ITGA9: variants seen among roughly 807,000 people sequenced by gnomAD.
ITGA9 encodes integrin alpha-9.
A neutral mutation model predicts 127.8 loss-of-function variants in ITGA9; 56 were observed. The observed-to-expected ratio is 0.44, with a 90% CI of 0.35 to 0.55. The LOEUF (loss-of-function observed/expected upper bound fraction) is 0.55. ITGA9 is among the 20% of genes least tolerant of loss of function. The probability of loss-of-function intolerance (pLI) is 0.00; values close to 1 mark genes in which losing one functional copy is unlikely to be tolerated. For synonymous variants in ITGA9, 508 were observed against 514.5 expected (o/e 0.99, Z 0.17); for missense variants, 1,196 against 1,347.1 (o/e 0.89, Z 1.76).
chr3:37,619,988 G>T (rs1199814930), intron 15 of ITGA9, among the ~76,000 whole-genome samples: 3 of 152,082 alleles, frequency 2.0e-5, no homozygotes, highest in South Asian at 2.1e-4. Context: ...CTGTGAAAGG[G>T]GTCACTTGAG....
chr3:37,708,641 G>A (rs1430474804), intron 18 of ITGA9, among the ~76,000 whole-genome samples: 1 of 248 alleles, frequency 4.0e-3, no homozygotes, highest in Admixed American at 0.045. Flanking sequence ...CAGGGATGCT[G>A]CTAAATACCC....
intron 17 of ITGA9, among the ~76,000 whole-genome samples, chr3:37,672,158 C>G (rs181858231): frequency 1.3e-5 from 2 of 152,222 alleles, no homozygotes; most frequent in African/African-American, 4.8e-5. Flanking sequence ...TAGGGCAGGA[C>G]TGCTGGAGAA....
intron 23 of ITGA9, chr3:37,753,723 C>T (rs1359036809): frequency 6.6e-6 from 1 of 152,176 alleles, no homozygotes; most frequent in African/African-American, 2.4e-5. Context: ...TTCTTGGGTA[C>T]ATCGTGTGTG....
intron 15 of ITGA9, among the ~76,000 whole-genome samples, chr3:37,602,622 C>G (rs1699932406): frequency 6.6e-6 from 1 of 151,728 alleles, no homozygotes; most frequent in African/African-American, 2.4e-5. Context: ...TTTTGCATTT[C>G]TTGATCATTT....
intron 4 of ITGA9, among the ~76,000 whole-genome samples, chr3:37,491,676 C>T (rs1698675371): frequency 6.6e-6 from 1 of 152,234 alleles, no homozygotes; most frequent in Non-Finnish European, 1.5e-5. Context: ...GCGCCTACCT[C>T]ACTTCCCATA....
chr3:37,775,025 G>T (rs1287303423), intron 23 of ITGA9, among the ~76,000 whole-genome samples: 1 of 152,136 alleles, frequency 6.6e-6, no homozygotes, highest in Admixed American at 6.5e-5. Context: ...CTGACCAATA[G>T]AATCTAATTA....
At chr3:37,688,971 T>C in intron 18 of ITGA9, among the ~76,000 whole-genome samples, 1 of 147,914 alleles carries the variant, frequency 6.8e-6, no homozygotes, top group Admixed American at 6.8e-5. Context: ...GATGGGCAGG[T>C]GAGTGGATGA....
intron 15 of ITGA9, among the ~76,000 whole-genome samples, chr3:37,556,007 T>C (rs1284298872): frequency 6.6e-6 from 1 of 152,250 alleles, no homozygotes; most frequent in Non-Finnish European, 1.5e-5. Flanking sequence ...TATTACAATA[T>C]TGCCTTTTAG....
chr3:37,672,536 A>G (rs2125657174), intron 17 of ITGA9, among the ~76,000 whole-genome samples: 1 of 152,314 alleles, frequency 6.6e-6, no homozygotes, highest in African/African-American at 2.4e-5. Context: ...TATCTTTATT[A>G]GCAGTATGAG....
rs931569772 is a variant in ITGA9 at position 37,772,063 on chromosome 3, G to T, written c.2542-5329G>T. Among the ~76,000 whole-genome samples the T allele has an allele frequency of 3.3e-4, 51 of 152,254 alleles. 1 individual carries two copies. Among genetic ancestry groups the T allele is most frequent in the Middle Eastern group, 6.8e-3 (2 of 294 alleles). ...GTGGCCTGCTACCTGGGGAGCCTCTGGTTGTAATTGGGCCTCCTGTTGCCT... is the reference window on the plus strand; with the variant it reads ...GTGGCCTGCTACCTGGGGAGCCTCTTGTTGTAATTGGGCCTCCTGTTGCCT... On this transcript the variant is annotated intron_variant, in intron 23 of 27. Coordinates refer to ENST00000264741, the MANE Select transcript of ITGA9 (RefSeq NM_002207.3).
intron 23 of ITGA9, among the ~76,000 whole-genome samples, chr3:37,766,352 A>G (rs568556942): frequency 1.2e-3 from 177 of 152,322 alleles, no homozygotes; most frequent in Non-Finnish European, 2.1e-3. Context: ...TATGACCTAA[A>G]GCATATTTCA....
intron 17 of ITGA9, among the ~76,000 whole-genome samples, chr3:37,655,345 C>G (rs1352323301): frequency 6.6e-6 from 1 of 152,230 alleles, no homozygotes; most frequent in African/African-American, 2.4e-5. Context: ...TCCACATCCT[C>G]TCCAGCACCT....
chr3:37,709,638 A>G (rs1306962427), intron 18 of ITGA9, among the ~76,000 whole-genome samples: 2 of 152,216 alleles, frequency 1.3e-5, no homozygotes, highest in African/African-American at 4.8e-5. Flanking sequence ...GAGGCTCACC[A>G]TGGGTGGACT....
At chr3:37,484,208 T>C (rs1214998618) in intron 4 of ITGA9, among the ~76,000 whole-genome samples, 2 of 152,120 alleles carry the variant, frequency 1.3e-5, no homozygotes, top group Non-Finnish European at 2.9e-5. Context: ...GGGGCTGGCA[T>C]GTGGAGTATT....
chr3:37,790,436 C>A, intron 26 of ITGA9: 1 of 421,248 alleles, frequency 2.4e-6, no homozygotes, highest in Non-Finnish European at 4.8e-6. Flanking sequence ...CGAGTCACTG[C>A]AGCCCCCATC....
chr3:37,780,952 A>G (rs1021092241), intron 25 of ITGA9, among the ~76,000 whole-genome samples: 1 of 152,206 alleles, frequency 6.6e-6, no homozygotes, highest in African/African-American at 2.4e-5. Context: ...AAAATACCAG[A>G]CCCTTGCTAC....
At position 37,603,148 on chromosome 3, in the gene ITGA9, G is replaced by T. The variant is rs372740967; in HGVS notation, c.1690-26039G>T. 2.0e-5 allele frequency among the ~76,000 whole-genome samples: 3 copies of T among 152,118 alleles called. No homozygotes were observed. In the East Asian group the frequency reaches 5.8e-4, roughly 29 times the overall value. On this transcript the variant is annotated intron_variant, in intron 15 of 27. Transcript: ENST00000264741. ...CCACTCAAGTATCTTTAAGGTCTAG[G>T]CCTTATCGAATGGGGTTTAGTCACT...
chr3:37,803,471 T>C (rs1375743838), intron 26 of ITGA9, among the ~76,000 whole-genome samples: 1 of 152,216 alleles, frequency 6.6e-6, no homozygotes, highest in African/African-American at 2.4e-5. Flanking sequence ...GGCTCCATCA[T>C]GCTCTGCGCA....
At chr3:37,664,469 G>A (rs1700566490) in intron 17 of ITGA9, among the ~76,000 whole-genome samples, 1 of 144,932 alleles carries the variant, frequency 6.9e-6, no homozygotes, top group Admixed American at 7.1e-5. Context: ...TTGTTGCCCA[G>A]GCTGGCAATG....
Sources: gnomAD v4.1 joint callset for allele counts (sites outside exome capture counted in the v4.1 genomes callset) on GRCh38, gnomAD v4.1.1 for gene constraint, MANE v1.5 for transcripts, NCBI Gene and HGNC (gene_info 2026-07-23, HGNC 2026-07-21) for gene names.